ADD3: variants seen among roughly 807,000 people sequenced by gnomAD.
ADD3 encodes the protein gamma-adducin.
In ADD3, 25 loss-of-function variants were observed where a neutral mutation model predicts 80.2. The observed-to-expected ratio is 0.31, with a 90% CI of 0.23 to 0.44. The LOEUF is 0.44. Among genes scored for constraint, ADD3 ranks in the 20% least tolerant of loss-of-function variants. The pLI, the probability that ADD3 is intolerant of heterozygous loss-of-function variation, is 1.00. For synonymous variants in ADD3, 284 were observed against 289.6 expected (o/e 0.98, Z 0.20); for missense variants, 829 against 847.5 (o/e 0.98, Z 0.27).
intron 1 of ADD3, among the ~76,000 whole-genome samples, chr10:110,008,610 C>T (rs1851935018): frequency 6.6e-6 from 1 of 152,136 alleles, no homozygotes; most frequent in South Asian, 2.1e-4. Flanking sequence ...TGCTGGTTTT[C>T]CCTAGGAAGG....
intron 3 of ADD3, among the ~76,000 whole-genome samples, chr10:110,114,476 C>T (rs1011369231): frequency 2.0e-5 from 3 of 152,062 alleles, no homozygotes; most frequent in Admixed American, 1.3e-4. Context: ...GGGCTACAGT[C>T]GAGTACAAGA....
chr10:110,047,386 T>A (rs559263502), intron 1 of ADD3, among the ~76,000 whole-genome samples: 1 of 151,084 alleles, frequency 6.6e-6, no homozygotes, highest in African/African-American at 2.5e-5. Flanking sequence ...GTCACTTGGC[T>A]CTCTCAGCCT....
At chr10:110,063,737 T>TTATATATATACA (rs1843506027) in intron 1 of ADD3, among the ~76,000 whole-genome samples, 1 of 64,658 alleles carries the variant, frequency 1.5e-5, no homozygotes, top group Non-Finnish European at 3.3e-5. Context: ...TATATATTCA[T>TTATATATATACA]TATATATATA....
intron 1 of ADD3, among the ~76,000 whole-genome samples, chr10:110,026,579 T>G (rs939135130): frequency 2.6e-5 from 4 of 152,056 alleles, no homozygotes; most frequent in Non-Finnish European, 4.4e-5. Flanking sequence ...CACACCCGGC[T>G]GATTGTACTT....
chr10:110,078,970 A>G (rs1289575328), intron 1 of ADD3, among the ~76,000 whole-genome samples: 2 of 152,164 alleles, frequency 1.3e-5, no homozygotes, highest in Non-Finnish European at 2.9e-5. Flanking sequence ...TAATACTCTT[A>G]TCTTTTCCTA....
intron 1 of ADD3, among the ~76,000 whole-genome samples, chr10:110,034,589 G>A (rs1417936008): frequency 1.3e-5 from 2 of 152,108 alleles, no homozygotes; most frequent in East Asian, 3.8e-4. Flanking sequence ...ATACTGCCAT[G>A]TAATCAGTTA....
chr10:110,112,827 C>T lies in ADD3; in HGVS notation c.246C>T (p.Gly82=). The T allele has an allele frequency of 6.2e-7, 1 of 1,614,024 alleles. No homozygotes were observed. Among genetic ancestry groups the T allele is most frequent in the Non-Finnish European group, 8.5e-7 (1 of 1,179,980 alleles). Residue 82 remains glycine (G), a synonymous_variant, in exon 3 of 15, where the codon GGC becomes GGT. Transcript: ENST00000356080. ...TTATTCAAGAACAGATGAAGAAAGG[C>T]CACAACCCAACTGGATTACTAGCAT... is the stretch of plus-strand genomic sequence containing the variant. ...ECLIQEQMKK[G]HNPTGLLALQ...
chr10:110,123,673 C>T (rs1445285861), intron 9 of ADD3, among the ~76,000 whole-genome samples: 1 of 152,050 alleles, frequency 6.6e-6, no homozygotes. Flanking sequence ...GCCTTCAGAC[C>T]CAGGAACAGA....
intron 1 of ADD3, among the ~76,000 whole-genome samples, chr10:110,053,691 C>G (rs1157630902): frequency 6.6e-6 from 1 of 151,928 alleles, no homozygotes; most frequent in Admixed American, 6.6e-5. Flanking sequence ...ATTCATTTTC[C>G]TTGAGGATTA....
At chr10:110,096,823 A>G (rs1848225981) in intron 1 of ADD3, among the ~76,000 whole-genome samples, 2 of 152,208 alleles carry the variant, frequency 1.3e-5, no homozygotes. Flanking sequence ...GAAGCATGGA[A>G]GAATTCTTGA....
At chr10:110,014,023 T>C (rs1373290837) in intron 1 of ADD3, among the ~76,000 whole-genome samples, 1 of 152,248 alleles carries the variant, frequency 6.6e-6, no homozygotes, top group Non-Finnish European at 1.5e-5. Flanking sequence ...TTCCATTCAA[T>C]ATTCTCATCC....
Position 110,030,808 on chromosome 10 carries a change from C to T in ADD3, c.-30+22509C>T, listed in dbSNP as rs1039572246. On this transcript the variant is annotated intron_variant, in intron 1 of 14. Coordinates refer to ENST00000356080, the MANE Select transcript of ADD3 (RefSeq NM_016824.5). ...TACAGCTATTCCAGCTGACTTGGCT[C>T]GTCCAATTTGTATTACAGTGCTGTT... 1.3e-4 allele frequency among the ~76,000 whole-genome samples: 20 copies of T among 151,574 alleles called. 1 individual carries two copies. Among genetic ancestry groups the T allele is most frequent in the African/African-American group, 3.9e-4 (16 of 41,404 alleles).
chr10:110,082,414 A>G (rs1215485852), intron 1 of ADD3, among the ~76,000 whole-genome samples: 1 of 152,172 alleles, frequency 6.6e-6, no homozygotes, highest in East Asian at 1.9e-4. Context: ...ATTATTTTAA[A>G]CATACCTTTT....
chr10:110,019,630 A>G (rs1340407361), intron 1 of ADD3, among the ~76,000 whole-genome samples: 1 of 152,208 alleles, frequency 6.6e-6, no homozygotes, highest in Non-Finnish European at 1.5e-5. Context: ...CTGGGATTAC[A>G]GGCGTGAGCC....
chr10:110,127,214 G>T (rs1339624303), intron 12 of ADD3, among the ~76,000 whole-genome samples: 1 of 152,126 alleles, frequency 6.6e-6, no homozygotes, highest in Non-Finnish European at 1.5e-5. Flanking sequence ...AAGCCAGGTA[G>T]TATTTCCTTT....
chr10:110,072,085 G>A (rs1844786171), intron 1 of ADD3, among the ~76,000 whole-genome samples: 2 of 151,986 alleles, frequency 1.3e-5, no homozygotes, highest in Admixed American at 6.6e-5. Flanking sequence ...ATTTTTAGAC[G>A]GAGTCTCTCT....
At chr10:110,086,806 A>G (rs1433026877) in intron 1 of ADD3, among the ~76,000 whole-genome samples, 1 of 152,154 alleles carries the variant, frequency 6.6e-6, no homozygotes, top group Non-Finnish European at 1.5e-5. Flanking sequence ...AGTTCTTTAC[A>G]TCAGTGTCAG....
intron 1 of ADD3, among the ~76,000 whole-genome samples, chr10:110,093,120 A>G (rs1847757971): frequency 1.3e-5 from 2 of 152,222 alleles, no homozygotes; most frequent in African/African-American, 4.8e-5. Context: ...TGGCCTCCCA[A>G]AGTGCTGGTA....
Position 110,118,578 on chromosome 10 carries a change from T to G in ADD3, c.568-9T>G. The G allele has an allele frequency of 6.2e-7, 1 of 1,613,102 alleles. No individual in the cohort carries two copies. Among genetic ancestry groups the G allele is most frequent in the Non-Finnish European group, 8.5e-7 (1 of 1,179,112 alleles). On this transcript the variant is annotated splice_polypyrimidine_tract_variant and intron_variant, in intron 5 of 14. Coordinates refer to ENST00000356080, the MANE Select transcript of ADD3 (RefSeq NM_016824.5). The stretch of plus-strand genomic sequence containing the variant: ...TACCAGTTAAATATGTCCTTCTGAT[T>G]TTTTCCAGGTGAAAGTCAATATAAT...
Sources: allele counts gnomAD v4.1 joint callset (sites outside exome capture counted in the v4.1 genomes callset), GRCh38; gene constraint gnomAD v4.1.1; transcripts MANE v1.5; gene names NCBI Gene and HGNC (gene_info 2026-07-23, HGNC 2026-07-21).